POLN: variants seen among roughly 807,000 people sequenced by gnomAD.
POLN encodes the protein DNA polymerase nu.
POLN carries 108 observed loss-of-function variants against 113.5 expected under a neutral mutation model. The observed-to-expected ratio is 0.95, with a 90% confidence interval of 0.81 to 1.12. POLN has a LOEUF of 1.12. POLN is among the 50% of genes most tolerant of loss of function. The pLI is 0.00. For missense variants in POLN, 1,097 were observed against 1,077.1 expected (o/e 1.02, Z -0.26); for synonymous variants, 386 against 391.5 (o/e 0.99, Z 0.17).
intron 23 of POLN, chr4:2,080,066 A>G: frequency 2.0e-6 from 2 of 985,442 alleles, no homozygotes; most frequent in Non-Finnish European, 2.4e-6. Flanking sequence ...GAAAACGTCC[A>G]TGGTGTGTCA....
chr4:2,141,796 C>T (rs1011469649), intron 16 of POLN, among the ~76,000 whole-genome samples: 4 of 152,202 alleles, frequency 2.6e-5, no homozygotes, highest in Admixed American at 6.5e-5. Context: ...TTCCAGCCCC[C>T]TCTCAGGCTC....
At chr4:2,074,952 T>C (rs1287292762) in intron 24 of POLN, among the ~76,000 whole-genome samples, 1 of 152,102 alleles carries the variant, frequency 6.6e-6, no homozygotes, top group Non-Finnish European at 1.5e-5. Flanking sequence ...ATGGGCCGTG[T>C]AGCTCAGCAG....
Position 2,121,054 on chromosome 4 carries a change from T to C in POLN, c.1982+7059A>G, listed in dbSNP as rs555917005. Reference sequence around the variant, plus strand: ...CCAATCTATATGTCATTTCCTTTTTTTATCTTGTGCAGTGGCTAGAACTTC... The same window carrying C: ...CCAATCTATATGTCATTTCCTTTTTCTATCTTGTGCAGTGGCTAGAACTTC... On this transcript the variant is annotated intron_variant, in intron 19 of 25. Coordinates refer to ENST00000511885, the MANE Select transcript of POLN (RefSeq NM_181808.4). Among the ~76,000 whole-genome samples, 12 of 152,340 alleles carry C rather than the reference T, an allele frequency of 7.9e-5. No homozygotes were observed. In the East Asian group the frequency reaches 2.1e-3, roughly 27 times the overall value.
Position 2,240,297 on chromosome 4 carries a change from T to C in POLN, c.-13+1223A>G, listed in dbSNP as rs563305772. The C allele has an allele frequency of 8.9e-5, 143 of 1,611,594 alleles. 1 individual carries two copies. In the South Asian group the frequency reaches 1.4e-3, roughly 16 times the overall value. Reference sequence around the variant, plus strand: ...ACCCTGAAAGAACTGTTTTTTGGTATACAAAGTTAATGCTGCTGTGCTTTG... The same window carrying C: ...ACCCTGAAAGAACTGTTTTTTGGTACACAAAGTTAATGCTGCTGTGCTTTG... On this transcript the variant is annotated intron_variant, in intron 2 of 25. Transcript: ENST00000511885.
At chr4:2,088,315 T>A (rs1442115989) in intron 20 of POLN, among the ~76,000 whole-genome samples, 1 of 152,194 alleles carries the variant, frequency 6.6e-6, no homozygotes, top group East Asian at 1.9e-4. Flanking sequence ...AAGAATAATC[T>A]TCACACTAAA....
At position 2,126,156 on chromosome 4, in the gene POLN, C is replaced by T. The variant is rs1731574551; in HGVS notation, c.1982+1957G>A. ...CTGTGCTCGTCACATCGACCCGGTA[C>T]AGTGCCTCTTCCTGTGCTGGGCAAA... On this transcript the variant is annotated intron_variant, in intron 19 of 25. Coordinates refer to ENST00000511885, the MANE Select transcript of POLN (RefSeq NM_181808.4). The surrounding 1 kb of genome is among the most constrained non-coding windows in gnomAD (Gnocchi z 4.6). Among the ~76,000 whole-genome samples the T allele has an allele frequency of 6.6e-6, 1 of 152,230 alleles. No homozygotes were observed. The highest frequency in any genetic ancestry group is 1.5e-5 in the Non-Finnish European group (1 of 68,040).
chr4:2,235,634 C>G (rs544663378), intron 2 of POLN, among the ~76,000 whole-genome samples: 1 of 152,232 alleles, frequency 6.6e-6, no homozygotes, highest in East Asian at 1.9e-4. Context: ...AAAAAGCAAG[C>G]AAGTCATTGA....
chr4:2,156,797 G>C lies in POLN; in HGVS notation c.1722C>G (p.Ala574=), dbSNP rs745937690. 25 of 1,612,146 alleles carry C rather than the reference G, an allele frequency of 1.6e-5. No individual in the cohort carries two copies. Among genetic ancestry groups the C allele is most frequent in the Non-Finnish European group, 2.1e-5 (25 of 1,178,146 alleles). The change falls in exon 16 of 26, where the codon GCC becomes GCG. Residue 574 remains alanine, a synonymous_variant. Coordinates refer to ENST00000511885, the MANE Select transcript of POLN (RefSeq NM_181808.4). ...QTGTVTGRLS[A]KHPNIQGISK... ...TGTTTAAACAACTTACAGGATGCTT[G>C]GCTGAAAGTCTTCCAGTCACAGTTC...
intron 19 of POLN, among the ~76,000 whole-genome samples, chr4:2,121,452 A>AATATATAT (rs1553895661): frequency 1.6e-5 from 2 of 125,658 alleles, no homozygotes; most frequent in East Asian, 2.3e-4. Context: ...AAAAAAAAAA[A>AATATATAT]ATATATATAT....
At chr4:2,131,204 C>T in intron 17 of POLN, 29 bp downstream of exon 17, 1 of 1,513,100 alleles carries the variant, frequency 6.6e-7, no homozygotes, top group Non-Finnish European at 9.1e-7. Flanking sequence ...TTACCAGAGA[C>T]TTTAGCAAGG....
At chr4:2,091,761 C>CTCTG (rs1553893075) in intron 20 of POLN, among the ~76,000 whole-genome samples, 48 of 145,210 alleles carry the variant, frequency 3.3e-4, no homozygotes, top group Non-Finnish European at 5.6e-4. Context: ...ACACGTGAAT[C>CTCTG]TGTGTGTGTG....
chr4:2,088,844 TAAAGA>T, intron 20 of POLN: 2 of 1,471,818 alleles, frequency 1.4e-6, no homozygotes, highest in Non-Finnish European at 1.8e-6. Context: ...TTGTCTACTA[TAAAGA>T]AAAGTCTTAC....
chr4:2,175,132 T>C (rs1560082465), intron 9 of POLN, among the ~76,000 whole-genome samples: 1 of 152,146 alleles, frequency 6.6e-6, no homozygotes, highest in Admixed American at 6.5e-5. Context: ...CCAAAAAGCC[T>C]AAATTTTGTC....
At chr4:2,222,807 C>A (rs570309137) in intron 3 of POLN, among the ~76,000 whole-genome samples, 2 of 151,718 alleles carry the variant, frequency 1.3e-5, no homozygotes, top group African/African-American at 4.9e-5. Context: ...ATTGTCCCAG[C>A]TGGTGCAGCT....
At chr4:2,236,995 C>G (rs1353713376) in intron 2 of POLN, among the ~76,000 whole-genome samples, 1 of 151,730 alleles carries the variant, frequency 6.6e-6, no homozygotes, top group African/African-American at 2.4e-5. Flanking sequence ...CTAACTACTA[C>G]ATTAGATAAA....
chr4:2,201,000 G>A (rs1195398399), intron 5 of POLN, among the ~76,000 whole-genome samples: 4 of 152,112 alleles, frequency 2.6e-5, no homozygotes, highest in African/African-American at 7.2e-5. Context: ...GGGCACTGTG[G>A]CTCACGCCTG....
At chr4:2,232,123 A>G in intron 2 of POLN, 4 of 1,584,910 alleles carry the variant, frequency 2.5e-6, no homozygotes, top group Non-Finnish European at 2.6e-6. Flanking sequence ...TAGCTTATTC[A>G]GTTGAGATTC....
intron 7 of POLN, among the ~76,000 whole-genome samples, chr4:2,190,456 G>A (rs1733411669): frequency 6.7e-6 from 1 of 149,364 alleles, no homozygotes; most frequent in African/African-American, 2.5e-5. Context: ...AAATGCTCCA[G>A]TGCATTTGTC....
At chr4:2,072,821 G>T in intron 25 of POLN, 147 bp downstream of exon 25, 1 of 793,130 alleles carries the variant, frequency 1.3e-6, no homozygotes, top group Admixed American at 2.3e-5. Flanking sequence ...CTTCAGGGAC[G>T]GTCCAGCCTC....
Sources: gnomAD v4.1 joint callset for allele counts (sites outside exome capture counted in the v4.1 genomes callset) on GRCh38, gnomAD v4.1.1 for gene constraint, Gnocchi (gnomAD v3.1) non-coding constraint, MANE v1.5 for transcripts, NCBI Gene and HGNC (gene_info 2026-07-23, HGNC 2026-07-21) for gene names.